RASAL2: variants seen among roughly 807,000 people sequenced by gnomAD.
The protein encoded by RASAL2 is ras GTPase-activating protein nGAP.
A neutral mutation model predicts 128.9 loss-of-function variants in RASAL2; 58 were observed. The observed-to-expected ratio is 0.45, with a 90% CI of 0.36 to 0.56. The LOEUF is 0.56. Among genes scored for constraint, RASAL2 ranks in the 20% least tolerant of loss-of-function variants. The probability of loss-of-function intolerance (pLI) is 0.00; values close to 1 mark genes in which losing one functional copy is unlikely to be tolerated. For missense variants in RASAL2, 1,360 were observed against 1,601.6 expected, an observed-to-expected ratio of 0.85 and a Z score of 2.57; for synonymous variants, 561 against 580.8, an observed-to-expected ratio of 0.97 and a Z score of 0.49.
chr1:178,252,105 A>G (rs900655739), intron 1 of RASAL2, among the ~76,000 whole-genome samples: 2 of 152,090 alleles, frequency 1.3e-5, no homozygotes, highest in South Asian at 4.1e-4. Context: ...GGGGTGGAGG[A>G]AATTTTTGTT....
intron 3 of RASAL2, among the ~76,000 whole-genome samples, chr1:178,323,348 C>T (rs1177477165): frequency 1.3e-5 from 2 of 152,140 alleles, no homozygotes; most frequent in African/African-American, 4.8e-5. Context: ...TAGAGAAACT[C>T]TTTCTTGACT....
intron 3 of RASAL2, among the ~76,000 whole-genome samples, chr1:178,329,771 A>G (rs1424965927): frequency 6.6e-6 from 1 of 152,024 alleles, no homozygotes; most frequent in Non-Finnish European, 1.5e-5. Flanking sequence ...GCTTAAGCCC[A>G]GGAATTGGGG....
intron 1 of RASAL2, among the ~76,000 whole-genome samples, chr1:178,220,529 A>G (rs1179806812): frequency 6.6e-6 from 1 of 152,248 alleles, no homozygotes; most frequent in African/African-American, 2.4e-5. Flanking sequence ...ATACAGAGAT[A>G]CAAAGCGAGC....
At chr1:178,190,478 TCCTATCAAATCTTTTGATG>T (rs2101946324) in intron 1 of RASAL2, among the ~76,000 whole-genome samples, 1 of 152,320 alleles carries the variant, frequency 6.6e-6, no homozygotes, top group East Asian at 1.9e-4. Flanking sequence ...GTTTTGTAAT[TCCTATCAAATCTTTTGATG>T]CTTTATGAAC....
rs939997782 is a variant in RASAL2 at position 178,478,681 on chromosome 1, G to T, written c.*5442G>T. On this transcript the variant is annotated 3_prime_UTR_variant, in exon 18 of 18. Transcript: ENST00000367649. Reference sequence around the variant, plus strand: ...GTGCTAGTAGCATTTAGATTATTCCGTATGTGAGATCCGTATCAGCATTTC... The same window carrying T: ...GTGCTAGTAGCATTTAGATTATTCCTTATGTGAGATCCGTATCAGCATTTC... 6.6e-6 allele frequency: 1 copy of T among 152,072 alleles called. No homozygotes were observed. Among genetic ancestry groups the T allele is most frequent in the African/African-American group, 2.4e-5 (1 of 41,386 alleles). The allele number at this position is 152,072 out of a possible 1,614,324, so 9.4% of individuals were successfully genotyped here.
chr1:178,370,739 C>T (rs1671657952), intron 3 of RASAL2, among the ~76,000 whole-genome samples: 1 of 152,164 alleles, frequency 6.6e-6, no homozygotes, highest in Non-Finnish European at 1.5e-5. Flanking sequence ...GTGCCAAGCA[C>T]TGCTCTAGCC....
At chr1:178,362,756 T>C (rs985772645) in intron 3 of RASAL2, among the ~76,000 whole-genome samples, 10 of 152,136 alleles carry the variant, frequency 6.6e-5, no homozygotes, top group African/African-American at 1.7e-4. Flanking sequence ...AGTGAGATCA[T>C]GCAGTGTTTT....
chr1:178,331,581 A>ATTTTT (rs1669313915), intron 3 of RASAL2, among the ~76,000 whole-genome samples: 1 of 121,372 alleles, frequency 8.2e-6, no homozygotes, highest in African/African-American at 4.1e-5. Context: ...AACTTCATGC[A>ATTTTT]TCTTTTTTTT....
chr1:178,430,492 A>T (rs1428274915), intron 5 of RASAL2, among the ~76,000 whole-genome samples: 1 of 152,122 alleles, frequency 6.6e-6, no homozygotes, highest in African/African-American at 2.4e-5. Flanking sequence ...AGCTTTCCTG[A>T]TCTCAACCAG....
intron 1 of RASAL2, among the ~76,000 whole-genome samples, chr1:178,147,530 TAAAGC>T (rs1660776927): frequency 6.7e-6 from 1 of 148,528 alleles, no homozygotes; most frequent in African/African-American, 2.5e-5. Context: ...ATATAAACAG[TAAAGC>T]AGTAAAGTGG....
chr1:178,150,252 C>G (rs112936886), intron 1 of RASAL2, among the ~76,000 whole-genome samples: 3,171 of 152,116 alleles, frequency 0.021, 98 homozygotes, highest in African/African-American at 0.069. Flanking sequence ...TGGAGTGCAG[C>G]AGCATGATCT....
chr1:178,363,085 A>G (rs902996527), intron 3 of RASAL2, among the ~76,000 whole-genome samples: 8 of 152,148 alleles, frequency 5.3e-5, no homozygotes, highest in African/African-American at 1.9e-4. Context: ...AGAAACCTCC[A>G]TACTGTTTTC....
intron 2 of RASAL2, among the ~76,000 whole-genome samples, chr1:178,284,829 A>G (rs535643368): frequency 1.1e-3 from 175 of 152,334 alleles, no homozygotes; most frequent in African/African-American, 4.1e-3. Flanking sequence ...ATTAATTGCC[A>G]AAACTATATA....
At chr1:178,235,571 C>T (rs1447298802) in intron 1 of RASAL2, among the ~76,000 whole-genome samples, 1 of 151,952 alleles carries the variant, frequency 6.6e-6, no homozygotes, top group African/African-American at 2.4e-5. Flanking sequence ...AAAACAGTTA[C>T]TCCGCTATCT....
At chr1:178,411,551 A>T (rs1212496523) in intron 4 of RASAL2, 2 of 623,624 alleles carry the variant, frequency 3.2e-6, no homozygotes, top group East Asian at 5.6e-5. Context: ...CTATTGAATA[A>T]AAATAAAAAT....
chr1:178,220,084 C>A lies in RASAL2; in HGVS notation c.203-63480C>A, dbSNP rs541741134. 8.7e-4 allele frequency among the ~76,000 whole-genome samples: 133 copies of A among 152,242 alleles called. No homozygotes were observed. The South Asian group carries it at 0.016, about 18-fold the overall frequency. ...CTCACCATGTGATATGCCTGCTCCC[C>A]CTTTGCCTTCCACCATGATTGTAAG... On this transcript the variant is annotated intron_variant, in intron 1 of 17. Coordinates refer to ENST00000367649, the MANE Select transcript of RASAL2 (RefSeq NM_170692.4).
In RASAL2 at chr1:178,109,067, A is replaced by G. The variant is rs969279421; in HGVS notation, c.202+14373A>G. Among the ~76,000 whole-genome samples the G allele has an allele frequency of 4.6e-5, 7 of 152,334 alleles. No individual in the cohort carries two copies. The East Asian group carries it at 1.2e-3, about 25-fold the overall frequency. On this transcript the variant is annotated intron_variant, in intron 1 of 17. Transcript: ENST00000367649. ...AGACTACTGATAGTTAAGAAATCAC[A>G]CAATCTTAAGAACCACAAGTTGTAT...
At chr1:178,153,222 TC>T (rs1660972769) in intron 1 of RASAL2, among the ~76,000 whole-genome samples, 2 of 152,136 alleles carry the variant, frequency 1.3e-5, no homozygotes. Context: ...TTCCTCTTGC[TC>T]CCCTGCATGT....
intron 3 of RASAL2, among the ~76,000 whole-genome samples, chr1:178,345,471 C>T (rs1056272886): frequency 1.3e-5 from 2 of 152,050 alleles, no homozygotes; most frequent in African/African-American, 4.8e-5. Flanking sequence ...TACGGAGTAC[C>T]TTTGAAAAAT....
Sources: allele counts gnomAD v4.1 joint callset (sites outside exome capture counted in the v4.1 genomes callset), GRCh38; gene constraint gnomAD v4.1.1; transcripts MANE v1.5; gene names NCBI Gene and HGNC (gene_info 2026-07-23, HGNC 2026-07-21).